Variants in ASAP2 observed in about 807,000 individuals in gnomAD.
The protein encoded by ASAP2 is arf-GAP with SH3 domain, ANK repeat and PH domain-containing protein 2.
Under a neutral mutation model 131.4 loss-of-function variants are expected in ASAP2, and 45 were observed. That is an observed-to-expected ratio of 0.34 (90% CI 0.27 to 0.44). The LOEUF (loss-of-function observed/expected upper bound fraction) is 0.44, where lower values mean the gene tolerates loss of function less well. ASAP2 is among the 20% of genes least tolerant of loss of function. The probability of loss-of-function intolerance (pLI) is 1.00; values close to 1 mark genes in which losing one functional copy is unlikely to be tolerated. For missense variants in ASAP2, 1,011 were observed against 1,297.0 expected, an observed-to-expected ratio of 0.78 and a Z score of 3.39; for synonymous variants, 510 against 503.0, an observed-to-expected ratio of 1.01 and a Z score of -0.19.
rs1675564083 is a variant in ASAP2, at chr2:9,389,654, G to A, written c.2383+1108G>A. ...TTCAGGGAGGCCCAGAGAAGTGACA[G>A]TGAACCTGTCATGTGAGTCACTGAG... is the stretch of plus-strand genomic sequence containing the variant. On this transcript the variant is annotated intron_variant, in intron 22 of 27. Transcript: ENST00000281419. This position sits in a 1 kb window ranked among gnomAD's most constrained non-coding sequence, Gnocchi z 4.7. Among the ~76,000 whole-genome samples the A allele has an allele frequency of 6.6e-6, 1 of 152,232 alleles. No homozygotes were observed. Among genetic ancestry groups the A allele is most frequent in the Admixed American group, 6.5e-5 (1 of 15,286 alleles).
In ASAP2 at chr2:9,321,489, G is replaced by A. The variant is rs566252249; in HGVS notation, c.470+1152G>A. On this transcript the variant is annotated intron_variant, in intron 5 of 27. Coordinates refer to ENST00000281419, the MANE Select transcript of ASAP2 (RefSeq NM_003887.3). ...GTCAGCATCCTTTATTTGTGTGCCA[G>A]TTGGGTGAAATAAATGGGAAGGGAC... Among the ~76,000 whole-genome samples the A allele has an allele frequency of 1.6e-4, 25 of 152,342 alleles. No individual in the cohort carries two copies. In the South Asian group the frequency reaches 5.2e-3, roughly 32 times the overall value.
chr2:9,373,892 C>T (rs1252697778), intron 16 of ASAP2, among the ~76,000 whole-genome samples: 1 of 152,224 alleles, frequency 6.6e-6, no homozygotes, highest in Non-Finnish European at 1.5e-5. Context: ...TGCTGTTTCG[C>T]TCTCCCTCTT....
chr2:9,302,147 A>C (rs1056489729), intron 3 of ASAP2, among the ~76,000 whole-genome samples: 3 of 115,732 alleles, frequency 2.6e-5, no homozygotes, highest in African/African-American at 6.7e-5. Flanking sequence ...TTTCCCAAAC[A>C]CAGATGATGT....
At chr2:9,210,812 T>C (rs112814147) in intron 1 of ASAP2, among the ~76,000 whole-genome samples, 1 of 151,624 alleles carries the variant, frequency 6.6e-6, no homozygotes, top group South Asian at 2.1e-4. Flanking sequence ...CCGCCCGCCT[T>C]GGCCTCCCAA....
chr2:9,212,681 T>C (rs988980919), intron 1 of ASAP2, among the ~76,000 whole-genome samples: 1 of 152,136 alleles, frequency 6.6e-6, no homozygotes, highest in Admixed American at 6.5e-5. Context: ...CCGCACTGTC[T>C]GATGAGGCAG....
intron 1 of ASAP2, among the ~76,000 whole-genome samples, chr2:9,209,403 A>G (rs1235865353): frequency 6.6e-6 from 1 of 152,208 alleles, no homozygotes; most frequent in Non-Finnish European, 1.5e-5. Flanking sequence ...TTTAATAACA[A>G]TTGATGTGTA....
intron 19 of ASAP2, 36 bp downstream of exon 19, chr2:9,379,095 G>T (rs772951408): frequency 2.0e-5 from 29 of 1,423,608 alleles, no homozygotes; most frequent in Non-Finnish European, 2.6e-5. Flanking sequence ...GGGCTCAGCT[G>T]CACCCTGGCC....
rs903337316 is a variant in ASAP2, at chr2:9,383,456, C to T, written c.2017-1789C>T. 3.3e-5 allele frequency among the ~76,000 whole-genome samples: 5 copies of T among 152,142 alleles called. 1 individual carries two copies. The highest frequency in any genetic ancestry group is 1.3e-4 in the Admixed American group (2 of 15,264). ...TAAATTTTTTGTAGTGATGGGGTCT[C>T]GCTATGTTGCCTGGGCTGGTCTCAA... is the stretch of plus-strand genomic sequence containing the variant. On this transcript the variant is annotated intron_variant, in intron 20 of 27. Transcript: ENST00000281419.
intron 3 of ASAP2, among the ~76,000 whole-genome samples, chr2:9,316,923 CCCCTCACAATCACA>C (rs1273659466): frequency 8.9e-5 from 12 of 134,786 alleles, no homozygotes; most frequent in Non-Finnish European, 1.6e-4. Flanking sequence ...CAACACACAC[CCCCTCACAATCACA>C]CCCTCACTCT....
intron 1 of ASAP2, among the ~76,000 whole-genome samples, chr2:9,231,915 A>T (rs552222719): frequency 1.3e-5 from 2 of 152,082 alleles, no homozygotes; most frequent in South Asian, 4.2e-4. Flanking sequence ...AGTGGCAACC[A>T]TAAGTCTGCC....
intron 1 of ASAP2, among the ~76,000 whole-genome samples, chr2:9,274,241 C>G (rs1183196594): frequency 6.6e-6 from 1 of 151,282 alleles, no homozygotes; most frequent in African/African-American, 2.4e-5. Flanking sequence ...TTATTTCTTT[C>G]TCTTGTCTAA....
intron 1 of ASAP2, among the ~76,000 whole-genome samples, chr2:9,212,317 G>A (rs1182245199): frequency 6.6e-6 from 1 of 152,164 alleles, no homozygotes; most frequent in Admixed American, 6.5e-5. Context: ...GAGTCCTGTG[G>A]ATGTGCAAGG....
chr2:9,344,751 A>G lies in ASAP2; in HGVS notation c.974A>G (p.Lys325Arg), dbSNP rs1671847322. The G allele has an allele frequency of 1.2e-6, 2 of 1,614,220 alleles. No individual in the cohort carries two copies. Among genetic ancestry groups the G allele is most frequent in the Non-Finnish European group, 1.7e-6 (2 of 1,180,018 alleles). The change falls in exon 11 of 28, where the codon AAA becomes AGA. Residue 325 changes from lysine to arginine, a missense_variant. Around this residue, in one of 2 missense-constraint regions of ASAP2, gnomAD observed 359 missense variants for 598.1 expected, o/e 0.60. Transcript: ENST00000281419. ...KSDGIRKVWQ[K>R]RKCSVKNGFL... ...ACAAGGATCCGAAAAGTGTGGCAGAAAAGGAAATGTTCAGTTAAAAATGGT... is the reference window on the plus strand; with the variant it reads ...ACAAGGATCCGAAAAGTGTGGCAGAGAAGGAAATGTTCAGTTAAAAATGGT...
intron 1 of ASAP2, among the ~76,000 whole-genome samples, chr2:9,255,632 T>G (rs949765247): frequency 6.6e-6 from 1 of 152,204 alleles, no homozygotes; most frequent in Non-Finnish European, 1.5e-5. Flanking sequence ...CCACCTAGCT[T>G]TACAGAGGTG....
intron 1 of ASAP2, among the ~76,000 whole-genome samples, chr2:9,219,454 T>A (rs1662270771): frequency 6.6e-6 from 1 of 152,148 alleles, no homozygotes; most frequent in African/African-American, 2.4e-5. Context: ...TCTCTGACCA[T>A]CCTCCCTGAC....
At chr2:9,366,489 C>T (rs556465744) in intron 15 of ASAP2, among the ~76,000 whole-genome samples, 39 of 152,266 alleles carry the variant, frequency 2.6e-4, no homozygotes, top group African/African-American at 6.0e-4. Context: ...ATAAACCAGG[C>T]GCTCTGACAT....
intron 1 of ASAP2, among the ~76,000 whole-genome samples, chr2:9,271,083 G>A (rs1257124188): frequency 6.7e-6 from 1 of 149,304 alleles, no homozygotes; most frequent in Non-Finnish European, 1.5e-5. Flanking sequence ...GTGAGCCACC[G>A]CGCCCGGCCC....
At chr2:9,307,179 C>T (rs1203583647) in intron 3 of ASAP2, among the ~76,000 whole-genome samples, 2 of 152,192 alleles carry the variant, frequency 1.3e-5, no homozygotes, top group African/African-American at 2.4e-5. Context: ...CTTGTTAGAC[C>T]ACACCTGTTG....
intron 1 of ASAP2, among the ~76,000 whole-genome samples, chr2:9,251,561 G>A (rs978245147): frequency 7.2e-5 from 11 of 152,154 alleles, no homozygotes; most frequent in African/African-American, 2.2e-4. Flanking sequence ...TTACTAAAAC[G>A]CATTACCTCA....
Sources: gnomAD v4.1 joint callset for allele counts (sites outside exome capture counted in the v4.1 genomes callset) on GRCh38, gnomAD v4.1.1 for gene constraint, gnomAD v4.1.1 regional missense constraint, Gnocchi (gnomAD v3.1) non-coding constraint, MANE v1.5 for transcripts, NCBI Gene and HGNC (gene_info 2026-07-23, HGNC 2026-07-21) for gene names.